DCC: variants seen among roughly 807,000 people sequenced by gnomAD.
DCC encodes netrin receptor DCC.
DCC carries 58 observed loss-of-function variants against 172.5 expected under a neutral mutation model. The ratio of observed to expected loss-of-function variants is 0.34; its 90% confidence interval spans 0.27 to 0.42. The LOEUF is 0.42. Ranked by LOEUF, DCC falls within the 10% of genes least tolerant of loss-of-function variation. The pLI, the probability that DCC is intolerant of heterozygous loss-of-function variation, is 1.00. For synonymous variants in DCC, 709 were observed against 644.5 expected, an observed-to-expected ratio of 1.10 and a Z score of -1.52; for missense variants, 1,740 against 1,791.0, an observed-to-expected ratio of 0.97 and a Z score of 0.51.
chr18:53,234,212 C>T (rs963962757), intron 12 of DCC, among the ~76,000 whole-genome samples: 2 of 151,726 alleles, frequency 1.3e-5, no homozygotes, highest in Admixed American at 6.6e-5. Context: ...ATCGCACCAT[C>T]GCACTCCAGC....
chr18:53,320,104 A>G (rs61390369), intron 13 of DCC, among the ~76,000 whole-genome samples: 22,565 of 131,424 alleles, frequency 0.17, 2,297 homozygotes, highest in African/African-American at 0.31. Flanking sequence ...ATGGAGTCTC[A>G]CTCTGTCACC....
chr18:53,490,642 T>C (rs531552317), intron 26 of DCC, among the ~76,000 whole-genome samples: 1 of 152,314 alleles, frequency 6.6e-6, no homozygotes, highest in African/African-American at 2.4e-5. Flanking sequence ...AGCAGGTTTC[T>C]TTGCTTTCAG....
At chr18:52,365,203 A>G (rs559661349) in intron 1 of DCC, among the ~76,000 whole-genome samples, 19 of 152,322 alleles carry the variant, frequency 1.2e-4, no homozygotes, top group African/African-American at 4.1e-4. Flanking sequence ...GTTTGGAAGA[A>G]GAGTGCTTTG....
intron 9 of DCC, among the ~76,000 whole-genome samples, chr18:53,180,943 T>A (rs940738347): frequency 1.2e-4 from 19 of 152,182 alleles, no homozygotes; most frequent in African/African-American, 4.6e-4. Flanking sequence ...CTTTATTGAC[T>A]TTCTCTTCAT....
At position 52,906,284 on chromosome 18, in the gene DCC, C is replaced by G. The variant is rs780008292; in HGVS notation, c.653C>G (p.Ala218Gly). The G allele has an allele frequency of 1.4e-5, 22 of 1,613,894 alleles. No homozygotes were observed. The highest frequency in any genetic ancestry group is 1.9e-5 in the Non-Finnish European group (22 of 1,180,028). Residue 218 changes from alanine (A) to glycine (G), a missense_variant, in exon 3 of 29, where the codon GCC (alanine) becomes GGC (glycine). Ala to Gly is a moderately conservative substitution (Grantham distance 60, BLOSUM62 0). Transcript: ENST00000442544. Reference protein sequence around the residue: ...GIYRCSARNPASSRTGNEAEV... With the variant: ...GIYRCSARNPGSSRTGNEAEV... ...TACCGATGCTCAGCTCGAAATCCAG[C>G]CAGCTCAAGAACAGGAAATGAAGCA...
At chr18:53,437,606 A>AAAAAACTC (rs1568132115) in intron 22 of DCC, among the ~76,000 whole-genome samples, 1 of 147,132 alleles carries the variant, frequency 6.8e-6, no homozygotes, top group African/African-American at 2.6e-5. Flanking sequence ...AAAAAAAAAA[A>AAAAAACTC]AAAAGCTCAC....
intron 14 of DCC, among the ~76,000 whole-genome samples, chr18:53,331,903 A>G (rs1404632154): frequency 1.3e-5 from 2 of 152,210 alleles, no homozygotes; most frequent in Non-Finnish European, 2.9e-5. Flanking sequence ...TCTCTTCCCT[A>G]AAAAATACTT....
At chr18:52,349,138 T>C (rs1403186109) in intron 1 of DCC, among the ~76,000 whole-genome samples, 1 of 152,198 alleles carries the variant, frequency 6.6e-6, no homozygotes, top group Non-Finnish European at 1.5e-5. Context: ...TTATGGCATA[T>C]ATAACTGTGG....
chr18:52,668,020 C>T (rs2035485229), intron 1 of DCC, among the ~76,000 whole-genome samples: 2 of 151,498 alleles, frequency 1.3e-5, no homozygotes, highest in South Asian at 4.2e-4. Context: ...CACTATTTTT[C>T]TTTCCTTAAC....
chr18:52,688,533 G>C (rs1206137736), intron 1 of DCC, among the ~76,000 whole-genome samples: 1 of 152,052 alleles, frequency 6.6e-6, no homozygotes, highest in Non-Finnish European at 1.5e-5. Flanking sequence ...TAGCAGATAT[G>C]TAGGATAAGC....
chr18:52,355,009 A>G (rs894410388), intron 1 of DCC, among the ~76,000 whole-genome samples: 2 of 152,236 alleles, frequency 1.3e-5, no homozygotes, highest in African/African-American at 4.8e-5. Flanking sequence ...TTACGAATGC[A>G]TATAGGGCAT....
At chr18:52,609,422 C>CT (rs5824951) in intron 1 of DCC, among the ~76,000 whole-genome samples, 103,401 of 151,506 alleles carry the variant, frequency 0.68, 35,563 homozygotes, top group Middle Eastern at 0.77. Context: ...GTGGCTTAAG[C>CT]AACATTCACT....
intron 1 of DCC, among the ~76,000 whole-genome samples, chr18:52,388,942 A>G (rs1256606402): frequency 6.6e-6 from 1 of 152,158 alleles, no homozygotes; most frequent in Non-Finnish European, 1.5e-5. Flanking sequence ...ACCAATATGT[A>G]TTAATAGCCA....
At chr18:53,248,256 C>A (rs1305014450) in intron 12 of DCC, among the ~76,000 whole-genome samples, 1 of 151,946 alleles carries the variant, frequency 6.6e-6, no homozygotes, top group Non-Finnish European at 1.5e-5. Flanking sequence ...GTGACCCGAC[C>A]TGAACATTCA....
At chr18:53,168,020 T>C (rs886445446) in intron 8 of DCC, among the ~76,000 whole-genome samples, 2 of 152,136 alleles carry the variant, frequency 1.3e-5, no homozygotes, top group Non-Finnish European at 2.9e-5. Context: ...TAAGATACCA[T>C]CTCATGCCAG....
chr18:53,202,368 A>C (rs1363872598), intron 9 of DCC, among the ~76,000 whole-genome samples: 1 of 152,204 alleles, frequency 6.6e-6, no homozygotes, highest in African/African-American at 2.4e-5. Context: ...GACAATAATG[A>C]ATTATAGATT....
intron 5 of DCC, among the ~76,000 whole-genome samples, chr18:53,027,946 C>T (rs2041978932): frequency 6.6e-6 from 1 of 151,990 alleles, no homozygotes; most frequent in Non-Finnish European, 1.5e-5. Context: ...GAAGTGAAGG[C>T]AGGTTAGCAT....
At chr18:52,473,857 G>C (rs1279760142) in intron 1 of DCC, among the ~76,000 whole-genome samples, 1 of 151,944 alleles carries the variant, frequency 6.6e-6, no homozygotes, top group African/African-American at 2.4e-5. Flanking sequence ...TGTGGCCCTA[G>C]ACTCAATCCC....
chr18:52,717,659 A>C (rs2036407464), intron 1 of DCC, among the ~76,000 whole-genome samples: 1 of 152,100 alleles, frequency 6.6e-6, no homozygotes, highest in Admixed American at 6.5e-5. Context: ...AACATATTAC[A>C]TGTCTCCAGC....
Sources: gnomAD v4.1 joint callset for allele counts (sites outside exome capture counted in the v4.1 genomes callset) on GRCh38, gnomAD v4.1.1 for gene constraint, MANE v1.5 for transcripts, NCBI Gene and HGNC (gene_info 2026-07-23, HGNC 2026-07-21) for gene names.